EPB41L5: variants seen among roughly 807,000 people sequenced by gnomAD.
EPB41L5 encodes band 4.1-like protein 5.
A neutral mutation model predicts 106.6 loss-of-function variants in EPB41L5; 55 were observed. That is an observed-to-expected ratio of 0.52 (90% CI 0.42 to 0.65). EPB41L5 has a LOEUF of 0.65. Among genes scored for constraint, EPB41L5 ranks in the 30% least tolerant of loss-of-function variants. The pLI is 0.00. For synonymous variants in EPB41L5, 297 were observed against 306.7 expected, an observed-to-expected ratio of 0.97 and a Z score of 0.33; for missense variants, 871 against 882.1, an observed-to-expected ratio of 0.99 and a Z score of 0.16.
At chr2:120,039,708 C>T (rs529963879) in intron 2 of EPB41L5, among the ~76,000 whole-genome samples, 1 of 151,904 alleles carries the variant, frequency 6.6e-6, no homozygotes, top group Admixed American at 6.6e-5. Flanking sequence ...GCCTGTAATC[C>T]CAGCTACTCG....
intron 2 of EPB41L5, among the ~76,000 whole-genome samples, chr2:120,033,692 G>A (rs1253439766): frequency 1.8e-5 from 2 of 113,890 alleles, no homozygotes; most frequent in Non-Finnish European, 3.4e-5. Context: ...CAGGCAACAA[G>A]AGCGAAACTC....
At chr2:120,019,769 T>C (rs1273346260) in intron 2 of EPB41L5, among the ~76,000 whole-genome samples, 1 of 152,232 alleles carries the variant, frequency 6.6e-6, no homozygotes, top group African/African-American at 2.4e-5. Flanking sequence ...TGAGGTGAAG[T>C]GAGAAAAAGG....
chr2:120,016,186 T>G (rs1379239384), intron 1 of EPB41L5, among the ~76,000 whole-genome samples: 4 of 152,116 alleles, frequency 2.6e-5, no homozygotes, highest in African/African-American at 9.7e-5. Flanking sequence ...TCCTAGCACT[T>G]TGGGAGGCCG....
intron 3 of EPB41L5, among the ~76,000 whole-genome samples, chr2:120,064,765 A>G (rs948919337): frequency 6.6e-6 from 1 of 152,236 alleles, no homozygotes; most frequent in Non-Finnish European, 1.5e-5. Flanking sequence ...TTTATCTTCT[A>G]GTGTAATATA....
intron 20 of EPB41L5, among the ~76,000 whole-genome samples, chr2:120,156,347 G>A (rs768978192): frequency 1.3e-5 from 2 of 152,112 alleles, no homozygotes; most frequent in Non-Finnish European, 2.9e-5. Context: ...CCTGTAGGGC[G>A]GTCCCCACGG....
chr2:120,126,057 A>G (rs1685447438), intron 16 of EPB41L5, among the ~76,000 whole-genome samples: 1 of 152,182 alleles, frequency 6.6e-6, no homozygotes, highest in South Asian at 2.1e-4. Context: ...CCATTTTATA[A>G]GAATATCAGT....
At chr2:120,028,250 C>T (rs1480700606) in intron 2 of EPB41L5, among the ~76,000 whole-genome samples, 8 of 151,532 alleles carry the variant, frequency 5.3e-5, no homozygotes, top group Admixed American at 5.3e-4. Context: ...TAGTAAGAAA[C>T]ATGACTGGGC....
rs192388808 is a variant in EPB41L5, at chr2:120,170,289, A to T, written c.2135+2282A>T. On this transcript the variant is annotated intron_variant, in intron 24 of 24. Transcript: ENST00000263713. Reference sequence around the variant, plus strand: ...AACTTAGCAGCTTCAAACAATACACACTTATAATCTCATTTTCTGTGGCTC... The same window carrying T: ...AACTTAGCAGCTTCAAACAATACACTCTTATAATCTCATTTTCTGTGGCTC... Among the ~76,000 whole-genome samples, 6 of 152,330 alleles carry T rather than the reference A, an allele frequency of 3.9e-5. No homozygotes were observed. In the East Asian group the frequency reaches 1.2e-3, roughly 29 times the overall value.
chr2:120,105,158 CTT>C (rs752140195), intron 16 of EPB41L5: 84 of 978,932 alleles, frequency 8.6e-5, no homozygotes, highest in Non-Finnish European at 9.8e-5. Context: ...CCTTTTTAAA[CTT>C]TAGAATTTCA....
chr2:120,089,939 A>G (rs989269389), intron 11 of EPB41L5, among the ~76,000 whole-genome samples: 7 of 152,120 alleles, frequency 4.6e-5, no homozygotes, highest in Admixed American at 1.3e-4. Flanking sequence ...AAAAATTTCT[A>G]TATGAATGTT....
chr2:120,167,875 A>G lies in EPB41L5; in HGVS notation c.2005-2A>G, dbSNP rs1451060148. On this transcript the variant is annotated splice_acceptor_variant, in intron 23 of 24. Transcript: ENST00000263713. LOFTEE classifies it high-confidence loss of function. The stretch of plus-strand genomic sequence containing the variant: ...ATTTAGTTGTGTGTGTATCTCCCAC[A>G]GCAGAGTGGTGCCATGTCTAATGGA... The G allele has an allele frequency of 6.2e-7, 1 of 1,614,042 alleles. No homozygotes were observed. The highest frequency in any genetic ancestry group is 8.5e-7 in the Non-Finnish European group (1 of 1,179,998).
intron 16 of EPB41L5, among the ~76,000 whole-genome samples, chr2:120,118,852 A>G (rs1685076786): frequency 6.6e-6 from 1 of 152,218 alleles, no homozygotes. Flanking sequence ...GTATATGCCC[A>G]GTAATGGGAT....
At chr2:120,060,296 A>G (rs1365942133) in intron 3 of EPB41L5, among the ~76,000 whole-genome samples, 1 of 152,238 alleles carries the variant, frequency 6.6e-6, no homozygotes, top group East Asian at 1.9e-4. Flanking sequence ...ACTTACTTCC[A>G]CACAAAAACC....
intron 16 of EPB41L5, chr2:120,106,665 T>G (rs1461902501): frequency 1.0e-6 from 1 of 984,990 alleles, no homozygotes; most frequent in African/African-American, 1.7e-5. Context: ...TTTAACATCT[T>G]GAATTAGGTT....
intron 19 of EPB41L5, among the ~76,000 whole-genome samples, chr2:120,144,279 C>T (rs908967291): frequency 3.9e-5 from 6 of 152,210 alleles, no homozygotes; most frequent in African/African-American, 7.2e-5. Flanking sequence ...AGTGAGAAGG[C>T]GCCATCTATG....
intron 18 of EPB41L5, among the ~76,000 whole-genome samples, chr2:120,142,439 A>C (rs558968671): frequency 2.6e-5 from 4 of 152,132 alleles, no homozygotes; most frequent in Non-Finnish European, 5.9e-5. Context: ...TAAAAGCATA[A>C]AGGAACAGAA....
chr2:120,019,247 G>A lies in EPB41L5; in HGVS notation c.163G>A (p.Val55Ile), dbSNP rs773676010. The A allele has an allele frequency of 1.2e-6, 2 of 1,611,248 alleles. No homozygotes were observed. The highest frequency in any genetic ancestry group is 1.7e-5 in the Admixed American group (1 of 58,784). Residue 55 changes from valine to isoleucine, a missense_variant, in exon 2 of 25, where the codon GTT becomes ATT. Val to Ile is a conservative substitution (Grantham distance 29). Transcript: ENST00000263713. ...GGTGTCCCTTCTGGATGGTACTGATGTTAGTGTGGACTTGCCAGTAAGTAG... is the reference window on the plus strand; with the variant it reads ...GGTGTCCCTTCTGGATGGTACTGATATTAGTGTGGACTTGCCAGTAAGTAG... ...CRVSLLDGTD[V>I]SVDLPKKAKG...
intron 14 of EPB41L5, among the ~76,000 whole-genome samples, 165 bp downstream of exon 14, chr2:120,093,441 G>A (rs1255511842): frequency 6.6e-6 from 1 of 152,220 alleles, no homozygotes; most frequent in African/African-American, 2.4e-5. Context: ...AAAGTGACAT[G>A]ATGAAAAATT....
intron 2 of EPB41L5, among the ~76,000 whole-genome samples, chr2:120,030,302 C>T (rs1440707537): frequency 6.6e-6 from 1 of 152,168 alleles, no homozygotes; most frequent in African/African-American, 2.4e-5. Context: ...CTCCAAGAGT[C>T]TGAACTTCCC....
Sources: allele counts gnomAD v4.1 joint callset (sites outside exome capture counted in the v4.1 genomes callset), GRCh38; gene constraint gnomAD v4.1.1; transcripts MANE v1.5; gene names NCBI Gene and HGNC (gene_info 2026-07-23, HGNC 2026-07-21).